CPLANE1: variants seen among roughly 807,000 people sequenced by gnomAD.
The protein encoded by CPLANE1 is ciliogenesis and planar polarity effector 1.
A neutral mutation model predicts 362.5 loss-of-function variants in CPLANE1; 263 were observed. The observed-to-expected ratio is 0.73, with a 90% CI of 0.66 to 0.80. The LOEUF (loss-of-function observed/expected upper bound fraction) is 0.80, where lower values mean the gene tolerates loss of function less well. CPLANE1 is among the 30% of genes least tolerant of loss of function. The probability of loss-of-function intolerance (pLI) is 0.00; values close to 1 mark genes in which losing one functional copy is unlikely to be tolerated. For synonymous variants in CPLANE1, 1,212 were observed against 1,302.6 expected (o/e 0.93, Z 1.50); for missense variants, 3,461 against 3,793.4 (o/e 0.91, Z 2.30).
Position 37,209,253 on chromosome 5 carries a change from G to A in CPLANE1, c.2921-2828C>T. 1.5e-6 allele frequency: 1 copy of A among 678,670 alleles called. No homozygotes were observed. Among genetic ancestry groups the A allele is most frequent in the Middle Eastern group, 4.3e-4 (1 of 2,334 alleles). The allele number at this position is 678,670 out of a possible 1,614,324, so 42.0% of individuals were successfully genotyped here. On this transcript the variant is annotated intron_variant, in intron 16 of 52. Coordinates refer to ENST00000651892, the MANE Select transcript of CPLANE1 (RefSeq NM_001384732.1). The surrounding 1 kb of genome is among the most constrained non-coding windows in gnomAD (Gnocchi z 4.6). Reference sequence around the variant, plus strand: ...CCCGACCCCTCAGGACAGAAGCAGGGCTCTGGAGGGCAGGGATTCCCCCTC... The same window carrying A: ...CCCGACCCCTCAGGACAGAAGCAGGACTCTGGAGGGCAGGGATTCCCCCTC...
At chr5:37,207,092 A>G (rs1790973903) in intron 16 of CPLANE1, among the ~76,000 whole-genome samples, 1 of 152,254 alleles carries the variant, frequency 6.6e-6, no homozygotes, top group African/African-American at 2.4e-5. Context: ...AAAGGATAAT[A>G]TCGTTCCCCC....
rs1276661353 is a variant in CPLANE1 at position 37,169,030 on chromosome 5, A to G, written c.6994T>C (p.Ser2332Pro). Residue 2332 changes from serine to proline, a missense_variant, in exon 34 of 53, where the codon TCT becomes CCT. This residue lies in a region of CPLANE1 where 3,380 missense variants were observed against 3,666.1 expected (regional missense o/e 0.92). Coordinates refer to ENST00000651892, the MANE Select transcript of CPLANE1 (RefSeq NM_001384732.1). ...TTTTCTGGTTTTATAAACACTGAAG[A>G]GTCCTGTTGAGGTGTCAAATTTTCT... Reference protein sequence around the residue: ...GQENLTPQQDSSVFIKPEKLF... With the variant: ...GQENLTPQQDPSVFIKPEKLF... 5.6e-6 allele frequency: 9 copies of G among 1,614,040 alleles called. No homozygotes were observed. The highest frequency in any genetic ancestry group is 7.6e-6 in the Non-Finnish European group (9 of 1,180,028).
chr5:37,215,967 G>T (rs1034403664), intron 15 of CPLANE1, among the ~76,000 whole-genome samples: 4 of 151,672 alleles, frequency 2.6e-5, no homozygotes, highest in African/African-American at 9.7e-5. Flanking sequence ...GAGTAGCTGG[G>T]ACTATAGGCA....
At chr5:37,215,159 C>T (rs1449008479) in intron 15 of CPLANE1, among the ~76,000 whole-genome samples, 1 of 152,120 alleles carries the variant, frequency 6.6e-6, no homozygotes, top group African/African-American at 2.4e-5. Context: ...AAGTGATTCT[C>T]CTGCCTCAGC....
chr5:37,223,774 A>G (rs796339770), intron 14 of CPLANE1, among the ~76,000 whole-genome samples: 6 of 152,144 alleles, frequency 3.9e-5, no homozygotes, highest in Non-Finnish European at 5.9e-5. Flanking sequence ...CCCTCGCTCC[A>G]TGTTTCTCTA....
chr5:37,095,918 A>C, the CPLANE1 span, among the ~76,000 whole-genome samples: 1 of 152,238 alleles, frequency 6.6e-6, no homozygotes, highest in Non-Finnish European at 1.5e-5. Flanking sequence ...ATGCTGAAGG[A>C]AATCATAGAT....
At chr5:37,248,376 C>T (rs1740553411) in intron 1 of CPLANE1, among the ~76,000 whole-genome samples, 1 of 152,034 alleles carries the variant, frequency 6.6e-6, no homozygotes, top group South Asian at 2.1e-4. Flanking sequence ...GTGATCCGCC[C>T]GACTCAGCCT....
At chr5:37,105,825 A>G (rs1235319095), downstream of CPLANE1, among the ~76,000 whole-genome samples, 1 of 152,238 alleles carries the variant, frequency 6.6e-6, no homozygotes, top group Non-Finnish European at 1.5e-5. Context: ...GTAACAAAAA[A>G]GAATCCTACT....
the CPLANE1 span, among the ~76,000 whole-genome samples, chr5:37,091,371 A>C: frequency 6.6e-6 from 1 of 152,226 alleles, no homozygotes; most frequent in African/African-American, 2.4e-5. Context: ...AAATTAAAAA[A>C]TTAAAACTGA....
At chr5:37,150,832 G>A (rs1345790389) in intron 42 of CPLANE1, among the ~76,000 whole-genome samples, 1 of 152,108 alleles carries the variant, frequency 6.6e-6, no homozygotes, top group African/African-American at 2.4e-5. Context: ...GCTCTAACCA[G>A]ACCTACTTAA....
In CPLANE1 at chr5:37,216,718, AT is replaced by A. The variant is rs753835353; in HGVS notation, c.2747-2987del. 2.0e-5 allele frequency among the ~76,000 whole-genome samples: 3 copies of A among 152,364 alleles called. No individual in the cohort carries two copies. The East Asian group carries it at 5.8e-4, about 29-fold the overall frequency. On this transcript the variant is annotated intron_variant, in intron 15 of 52. Coordinates refer to ENST00000651892, the MANE Select transcript of CPLANE1 (RefSeq NM_001384732.1). ...TAATAATATAAGCTGGCATTCACAA[AT>A]TTGAAAATAAATTAGCTTAAAACTA...
Position 37,243,112 on chromosome 5 carries a change from C to T in CPLANE1, c.578G>A (p.Gly193Glu). 1 of 1,519,166 alleles carries T rather than the reference C, an allele frequency of 6.6e-7. No homozygotes were observed. Among genetic ancestry groups the T allele is most frequent in the Non-Finnish European group, 8.8e-7 (1 of 1,129,994 alleles). The allele number at this position is 1,519,166 out of a possible 1,614,324, so 94.1% of individuals were successfully genotyped here. A position where few individuals can be genotyped will look rare whatever the true frequency, so the allele number is the denominator to read the frequency against. Residue 193 changes from glycine (G) to glutamate (E), a missense_variant, in exon 6 of 53, where the codon GGA (glycine) becomes GAA (glutamate). Around this residue, in one of 2 missense-constraint regions of CPLANE1, gnomAD observed 3,380 missense variants for 3,666.1 expected, o/e 0.92. Transcript: ENST00000651892. ...NAVFIKNELF[G>E]DCCLCSFTFY... Reference sequence around the variant, plus strand: ...AGTAAATGAACACAGGCAGCAGTCTCCAAATAACTGTAGATAAATTTAATA... The same window carrying T: ...AGTAAATGAACACAGGCAGCAGTCTTCAAATAACTGTAGATAAATTTAATA...
At chr5:37,239,932 T>A in intron 6 of CPLANE1, 63 bp from the exon 7 acceptor site, 1 of 1,194,268 alleles carries the variant, frequency 8.4e-7, no homozygotes, top group South Asian at 2.4e-5. Context: ...TATATGTAGT[T>A]CATTACAAAA....
In CPLANE1 at chr5:37,180,103, T is replaced by G. The variant is rs373865796; in HGVS notation, c.5651A>C (p.Lys1884Thr). The change falls in exon 28 of 53, where the codon AAA becomes ACA. Residue 1884 changes from lysine (K) to threonine (T), a missense_variant. Lys to Thr is a moderately conservative substitution (Grantham distance 78). Around this residue, in one of 2 missense-constraint regions of CPLANE1, gnomAD observed 3,380 missense variants for 3,666.1 expected, o/e 0.92. Transcript: ENST00000651892. ...DIISITHNTK[K>T]EFIDIDENLL... is the part of the protein sequence containing the mutation. ...ATTCTCATCAATATCTATAAATTCT[T>G]TTTTAGTATTATGAGTGATGGAAAT... 2.6e-5 allele frequency: 40 copies of G among 1,565,646 alleles called. No individual in the cohort carries two copies. The African/African-American group carries it at 5.2e-4, about 20-fold the overall frequency.
chr5:37,187,060 CAAAAAAA>C (rs61112118), intron 23 of CPLANE1, among the ~76,000 whole-genome samples: 2 of 50,396 alleles, frequency 4.0e-5, no homozygotes, highest in Non-Finnish European at 7.0e-5. Context: ...GACTCCGTCT[CAAAAAAA>C]AAAAAAAAAA....
At position 37,162,627 on chromosome 5, in the gene CPLANE1, A is replaced by C. The variant is rs554091773; in HGVS notation, c.7589-61T>G. 3.0e-5 allele frequency: 35 copies of C among 1,180,572 alleles called. No homozygotes were observed. The South Asian group carries it at 4.0e-4, about 13-fold the overall frequency. 73.1% of individuals were successfully genotyped at this position (1,180,572 alleles called of 1,614,324 possible). A position where few individuals can be genotyped will look rare whatever the true frequency, so the allele number is the denominator to read the frequency against. ...GAAGCTAACAGATTACCAGGAGCCC[A>C]GCAGCACAGTACCTAACTCAATGGA... is the stretch of plus-strand genomic sequence containing the variant. On this transcript the variant is annotated intron_variant, in intron 37 of 52. Coordinates refer to ENST00000651892, the MANE Select transcript of CPLANE1 (RefSeq NM_001384732.1).
At chr5:37,108,164 T>A in intron 52 of CPLANE1, 129 bp downstream of exon 52, 1 of 856,832 alleles carries the variant, frequency 1.2e-6, no homozygotes. Flanking sequence ...GATTTCAAAC[T>A]GACCTAACAA....
At chr5:37,172,421 G>C (rs1780056671) in intron 32 of CPLANE1, among the ~76,000 whole-genome samples, 1 of 152,162 alleles carries the variant, frequency 6.6e-6, no homozygotes, top group Non-Finnish European at 1.5e-5. Flanking sequence ...GACTTTTGAA[G>C]ATAGTGATTC....
chr5:37,195,018 G>A (rs572883713), intron 21 of CPLANE1, among the ~76,000 whole-genome samples: 13 of 152,082 alleles, frequency 8.5e-5, no homozygotes, highest in South Asian at 4.2e-4. Context: ...AGCCGGGCAC[G>A]GTGGCGGGTG....
Sources: allele counts gnomAD v4.1 joint callset (sites outside exome capture counted in the v4.1 genomes callset), GRCh38; gene constraint gnomAD v4.1.1; regional missense constraint gnomAD v4.1.1; non-coding constraint Gnocchi (gnomAD v3.1); transcripts MANE v1.5; gene names NCBI Gene and HGNC (gene_info 2026-07-23, HGNC 2026-07-21).